Variants in CYP2C19 observed in about 807,000 individuals in gnomAD.
The protein encoded by CYP2C19 is cytochrome P450 2C19.
In CYP2C19, 59 loss-of-function variants were observed where a neutral mutation model predicts 40.9. That is an observed-to-expected ratio of 1.44 (90% CI 1.17 to 1.79). The LOEUF is 1.79. Ranked by LOEUF, CYP2C19 falls within the 40% of genes most tolerant of loss-of-function variation. The pLI is 0.00. For missense variants in CYP2C19, 754 were observed against 596.9 expected (o/e 1.26, Z -2.74); for synonymous variants, 253 against 208.7 (o/e 1.21, Z -1.83).
intron 5 of CYP2C19, among the ~76,000 whole-genome samples, chr10:94,793,345 G>A (rs1399256132): frequency 1.3e-5 from 2 of 152,106 alleles, no homozygotes; most frequent in African/African-American, 4.8e-5. Flanking sequence ...ATCATCTGAA[G>A]CCTTCTTCTC....
At chr10:94,817,870 G>A (rs897746486) in intron 5 of CYP2C19, among the ~76,000 whole-genome samples, 12 of 151,716 alleles carry the variant, frequency 7.9e-5, no homozygotes, top group South Asian at 4.2e-4. Context: ...AAAATTAGCC[G>A]GGCGTAGTGG....
chr10:94,790,131 T>C (rs1416632604), intron 5 of CYP2C19, among the ~76,000 whole-genome samples: 1 of 152,176 alleles, frequency 6.6e-6, no homozygotes, highest in Non-Finnish European at 1.5e-5. Flanking sequence ...TCACTCATGA[T>C]TTGGCTCTCT....
chr10:94,775,122 A>G lies in CYP2C19; in HGVS notation c.233A>G (p.His78Arg). The change falls in exon 2 of 9, where the codon CAT becomes CGT. Residue 78 changes from histidine (H) to arginine (R), a missense_variant. Coordinates refer to ENST00000371321, the MANE Select transcript of CYP2C19 (RefSeq NM_000769.4). ...GGCCTGGAACGCATGGTGGTGCTGC[A>G]TGGATATGAAGTGGTGAAGGAAGCC... ...YFGLERMVVL[H>R]GYEVVKEALI... 2 of 1,614,098 alleles carry G rather than the reference A, an allele frequency of 1.2e-6. No homozygotes were observed. The highest frequency in any genetic ancestry group is 1.7e-6 in the Non-Finnish European group (2 of 1,180,028).
intron 7 of CYP2C19, among the ~76,000 whole-genome samples, chr10:94,848,096 T>G (rs1188678545): frequency 1.3e-5 from 2 of 152,254 alleles, no homozygotes; most frequent in Non-Finnish European, 2.9e-5. Context: ...ATCCCATTTG[T>G]CAATTTTGGC....
intron 6 of CYP2C19, among the ~76,000 whole-genome samples, chr10:94,827,495 G>T (rs1237614160): frequency 6.6e-6 from 1 of 152,016 alleles, no homozygotes; most frequent in Non-Finnish European, 1.5e-5. Flanking sequence ...ATTTCTGTGG[G>T]ATCGGTGGTG....
At chr10:94,840,876 A>G (rs1469410484) in intron 6 of CYP2C19, among the ~76,000 whole-genome samples, 4 of 152,194 alleles carry the variant, frequency 2.6e-5, no homozygotes, top group African/African-American at 9.7e-5. Flanking sequence ...TCTGGTGGCC[A>G]CGCTAATCAT....
At chr10:94,842,735 T>G (rs1181858783) in intron 6 of CYP2C19, 102 bp from the exon 7 acceptor site, 1 of 1,266,490 alleles carries the variant, frequency 7.9e-7, no homozygotes, top group East Asian at 2.3e-5. Context: ...AAATTTATTA[T>G]GATGTTTGGA....
rs1849570353 is a variant in CYP2C19 at position 94,846,169 on chromosome 10, G to T, written c.1149+3145G>T. Among the ~76,000 whole-genome samples, 4 of 151,980 alleles carry T rather than the reference G, an allele frequency of 2.6e-5. No individual in the cohort carries two copies. In the South Asian group the frequency reaches 8.3e-4, roughly 32 times the overall value. The stretch of plus-strand genomic sequence containing the variant: ...AACAGGCACATAATTCGGGTATGTT[G>T]TCATTTTTATCTCCTGTAATCAAGA... On this transcript the variant is annotated intron_variant, in intron 7 of 8. Transcript: ENST00000371321.
intron 5 of CYP2C19, among the ~76,000 whole-genome samples, chr10:94,787,807 G>T (rs1359452673): frequency 6.6e-6 from 1 of 151,974 alleles, no homozygotes; most frequent in Non-Finnish European, 1.5e-5. Flanking sequence ...GGCTATAGGT[G>T]TGTGGCTTTA....
chr10:94,775,321 G>A (rs1848392500), intron 2 of CYP2C19, 69 bp from the exon 3 acceptor site: 2 of 1,612,330 alleles, frequency 1.2e-6, no homozygotes, highest in Non-Finnish European at 1.7e-6. Context: ...CATCCACATG[G>A]CTGCCCAGTG....
At chr10:94,808,729 C>A (rs191680219) in intron 5 of CYP2C19, among the ~76,000 whole-genome samples, 2 of 152,090 alleles carry the variant, frequency 1.3e-5, no homozygotes, top group African/African-American at 2.4e-5. Context: ...ACATAATAAT[C>A]TCCAATTCTA....
chr10:94,772,883 G>A (rs999259666), intron 1 of CYP2C19, among the ~76,000 whole-genome samples: 3 of 152,196 alleles, frequency 2.0e-5, no homozygotes, highest in South Asian at 2.1e-4. Flanking sequence ...CTGGGTTCAT[G>A]CCATTCTCCT....
At chr10:94,820,940 C>T (rs566327989) in intron 6 of CYP2C19, among the ~76,000 whole-genome samples, 1 of 152,138 alleles carries the variant, frequency 6.6e-6, no homozygotes, top group South Asian at 2.1e-4. Context: ...AAAACGTAGC[C>T]GGGCATTGTG....
chr10:94,820,582 A>G lies in CYP2C19; in HGVS notation c.906A>G (p.Thr302=), dbSNP rs1423815828. The G allele has an allele frequency of 1.9e-6, 3 of 1,614,208 alleles. 1 individual carries two copies. In the South Asian group the frequency reaches 3.3e-5, roughly 18 times the overall value. Residue 302 remains threonine, a synonymous_variant, in exon 6 of 9, where the codon ACA becomes ACG. Transcript: ENST00000371321. ...ADLLGAGTET[T]STTLRYALLL... Reference sequence around the variant, plus strand: ...TACTTGGAGCTGGGACAGAGACAACAAGCACAACCCTGAGATATGCTCTCC... The same window carrying G: ...TACTTGGAGCTGGGACAGAGACAACGAGCACAACCCTGAGATATGCTCTCC...
At chr10:94,834,835 C>T (rs1045309643) in intron 6 of CYP2C19, among the ~76,000 whole-genome samples, 1 of 152,160 alleles carries the variant, frequency 6.6e-6, no homozygotes, top group South Asian at 2.1e-4. Flanking sequence ...TGGTCACCTT[C>T]CCAGGTAGGC....
At chr10:94,841,148 GA>G (rs1380045039) in intron 6 of CYP2C19, among the ~76,000 whole-genome samples, 1 of 152,162 alleles carries the variant, frequency 6.6e-6, no homozygotes. Flanking sequence ...CCAAGGAATG[GA>G]ATCTTGGGCC....
At chr10:94,768,445 A>G (rs1248379578) in intron 1 of CYP2C19, among the ~76,000 whole-genome samples, 1 of 152,130 alleles carries the variant, frequency 6.6e-6, no homozygotes, top group East Asian at 1.9e-4. Flanking sequence ...CAGTCATGAT[A>G]CCTTGGTTCC....
intron 5 of CYP2C19, among the ~76,000 whole-genome samples, chr10:94,800,524 AC>A (rs1848748861): frequency 6.6e-6 from 1 of 152,212 alleles, no homozygotes; most frequent in Non-Finnish European, 1.5e-5. Context: ...CAGAGCTCAA[AC>A]GCCATGGTGG....
chr10:94,839,033 C>T (rs947871239), intron 6 of CYP2C19, among the ~76,000 whole-genome samples: 9 of 152,108 alleles, frequency 5.9e-5, no homozygotes, highest in Admixed American at 5.9e-4. Flanking sequence ...TGTTTCCCAT[C>T]TGAAAAAAGA....
Sources: gnomAD v4.1 joint callset for allele counts (sites outside exome capture counted in the v4.1 genomes callset) on GRCh38, gnomAD v4.1.1 for gene constraint, MANE v1.5 for transcripts, NCBI Gene and HGNC (gene_info 2026-07-23, HGNC 2026-07-21) for gene names.